Variants in ALCAM observed in about 807,000 individuals in gnomAD.
ALCAM encodes CD166 antigen.
A neutral mutation model predicts 70.9 loss-of-function variants in ALCAM; 30 were observed. That is an observed-to-expected ratio of 0.42 (90% CI 0.32 to 0.57). ALCAM has a LOEUF of 0.57. ALCAM is among the 20% of genes least tolerant of loss of function. The pLI is 0.11. For missense variants in ALCAM, 591 were observed against 695.1 expected, an observed-to-expected ratio of 0.85 and a Z score of 1.68; for synonymous variants, 249 against 242.5, an observed-to-expected ratio of 1.03 and a Z score of -0.25.
chr3:105,496,945 G>T (rs4541433), intron 1 of ALCAM, among the ~76,000 whole-genome samples: 61,252 of 151,372 alleles, frequency 0.4, 12,991 homozygotes, highest in Admixed American at 0.52. Flanking sequence ...CTCAAATATG[G>T]AAAGAATTAA....
intron 1 of ALCAM, among the ~76,000 whole-genome samples, chr3:105,406,866 G>A (rs776471403): frequency 1.2e-4 from 18 of 151,866 alleles, no homozygotes; most frequent in Non-Finnish European, 2.1e-4. Flanking sequence ...CAAATGAAAC[G>A]GGAGATATTG....
chr3:105,380,153 GTCT>G (rs530339337), intron 1 of ALCAM, among the ~76,000 whole-genome samples: 1 of 151,662 alleles, frequency 6.6e-6, no homozygotes, highest in Non-Finnish European at 1.5e-5. Flanking sequence ...CATGGAAATG[GTCT>G]TCTTCCTTTT....
At chr3:105,480,840 G>T (rs1168798094) in intron 1 of ALCAM, among the ~76,000 whole-genome samples, 5 of 152,114 alleles carry the variant, frequency 3.3e-5, no homozygotes, top group Admixed American at 2.0e-4. Flanking sequence ...AAGTACTATT[G>T]TTTGTTTTCC....
intron 1 of ALCAM, among the ~76,000 whole-genome samples, chr3:105,391,876 T>C (rs1253562715): frequency 1.3e-5 from 2 of 152,140 alleles, no homozygotes; most frequent in African/African-American, 4.8e-5. Context: ...ATGAATTACA[T>C]TGATTGTTTT....
chr3:105,441,258 A>G (rs1937163685), intron 1 of ALCAM, among the ~76,000 whole-genome samples: 1 of 151,392 alleles, frequency 6.6e-6, no homozygotes, highest in Non-Finnish European at 1.5e-5. Context: ...CAGGTAATTG[A>G]TTCAGTTTTT....
chr3:105,496,233 A>C (rs1218110075), intron 1 of ALCAM, among the ~76,000 whole-genome samples: 1 of 152,126 alleles, frequency 6.6e-6, no homozygotes, highest in Non-Finnish European at 1.5e-5. Context: ...TAGGCGAATA[A>C]TTTTATAGCC....
rs142808316 is a variant in ALCAM, at chr3:105,480,880, C to T, written c.74-39187C>T. ...CTTATAAAGTAATTCAGCAGAATTGCTTTCTAGGGGATTCTTTCCTTTGTT... is the reference window on the plus strand; with the variant it reads ...CTTATAAAGTAATTCAGCAGAATTGTTTTCTAGGGGATTCTTTCCTTTGTT... On this transcript the variant is annotated intron_variant, in intron 1 of 15. Coordinates refer to ENST00000306107, the MANE Select transcript of ALCAM (RefSeq NM_001627.4). Among the ~76,000 whole-genome samples the T allele has an allele frequency of 5.5e-4, 83 of 152,054 alleles. No homozygotes were observed. In the South Asian group the frequency reaches 8.9e-3, roughly 16 times the overall value.
intron 1 of ALCAM, among the ~76,000 whole-genome samples, chr3:105,511,636 GA>G (rs1939240552): frequency 1.3e-5 from 2 of 151,984 alleles, no homozygotes; most frequent in African/African-American, 4.8e-5. Context: ...CAAATATGTG[GA>G]AAAATCTATT....
intron 1 of ALCAM, among the ~76,000 whole-genome samples, chr3:105,517,378 G>A (rs1939411535): frequency 6.6e-6 from 1 of 152,028 alleles, no homozygotes; most frequent in Non-Finnish European, 1.5e-5. Flanking sequence ...TTTACCTACT[G>A]CCCTCTGTCT....
At chr3:105,382,267 A>G (rs1397187720) in intron 1 of ALCAM, among the ~76,000 whole-genome samples, 1 of 151,936 alleles carries the variant, frequency 6.6e-6, no homozygotes, top group Non-Finnish European at 1.5e-5. Flanking sequence ...AAGGACATGA[A>G]TTCATCATTT....
chr3:105,415,973 T>C (rs575902080), intron 1 of ALCAM, among the ~76,000 whole-genome samples: 10 of 152,102 alleles, frequency 6.6e-5, no homozygotes, highest in Non-Finnish European at 1.2e-4. Flanking sequence ...GGCAACCAGG[T>C]ATGACATGCG....
In ALCAM at chr3:105,527,769, T is replaced by G. The variant is rs142742348; in HGVS notation, c.394+3261T>G. On this transcript the variant is annotated intron_variant, in intron 3 of 15. Coordinates refer to ENST00000306107, the MANE Select transcript of ALCAM (RefSeq NM_001627.4). The stretch of plus-strand genomic sequence containing the variant: ...TCTTATGATGATGATAGGCCATGTT[T>G]AGTGGCTTCACACAGAGGTACTTCA... Among the ~76,000 whole-genome samples the G allele has an allele frequency of 3.9e-4, 59 of 152,186 alleles. 1 individual carries two copies. In the East Asian group the frequency reaches 0.011, roughly 29 times the overall value.
In ALCAM at chr3:105,545,277, C is replaced by A; in HGVS notation, c.1046C>A (p.Ala349Asp). 1 of 1,609,198 alleles carries A rather than the reference C, an allele frequency of 6.2e-7. No homozygotes were observed. The highest frequency in any genetic ancestry group is 1.1e-5 in the South Asian group (1 of 91,014). Residue 349 changes from alanine (A) to aspartate (D), a missense_variant, in exon 9 of 16, where the codon GCC (alanine) becomes GAC (aspartate). Physicochemically the swap from Ala to Asp is moderately radical, Grantham distance 126. Around this residue, in one of 2 missense-constraint regions of ALCAM, gnomAD observed 427 missense variants for 450.4 expected, o/e 0.95. Coordinates refer to ENST00000306107, the MANE Select transcript of ALCAM (RefSeq NM_001627.4). ...SGEVTRQIGD[A>D]LPVSCTISAS... ...GAAGTGACTAGACAGATTGGTGATGCCCTACCCGTGTCATGCACAATATCT... is the reference window on the plus strand; with the variant it reads ...GAAGTGACTAGACAGATTGGTGATGACCTACCCGTGTCATGCACAATATCT...
chr3:105,530,918 A>C (rs1011784387), intron 3 of ALCAM, among the ~76,000 whole-genome samples: 1 of 152,064 alleles, frequency 6.6e-6, no homozygotes, highest in Non-Finnish European at 1.5e-5. Flanking sequence ...CTAATAACTG[A>C]ATTCCAAATT....
intron 14 of ALCAM, among the ~76,000 whole-genome samples, chr3:105,570,376 A>C (rs1940835856): frequency 6.6e-6 from 1 of 152,184 alleles, no homozygotes; most frequent in African/African-American, 2.4e-5. Context: ...ATTTTAAAGG[A>C]TCAAATTGAC....
chr3:105,382,710 ATG>A (rs1474869081), intron 1 of ALCAM, among the ~76,000 whole-genome samples: 1 of 151,828 alleles, frequency 6.6e-6, no homozygotes, highest in Non-Finnish European at 1.5e-5. Context: ...GCATTTTTTC[ATG>A]TGTCTCTTGC....
intron 1 of ALCAM, among the ~76,000 whole-genome samples, chr3:105,445,592 A>G (rs1210998513): frequency 6.6e-5 from 10 of 152,184 alleles, no homozygotes; most frequent in Non-Finnish European, 1.2e-4. Context: ...CTACAAAGCT[A>G]ATAGTAACTA....
intron 1 of ALCAM, among the ~76,000 whole-genome samples, chr3:105,475,133 T>C (rs866421110): frequency 6.6e-6 from 1 of 152,020 alleles, no homozygotes; most frequent in South Asian, 2.1e-4. Context: ...AACCTGCTTT[T>C]CTCCTTGAAG....
At chr3:105,369,820 TG>T (rs1479472764) in intron 1 of ALCAM, among the ~76,000 whole-genome samples, 1 of 152,026 alleles carries the variant, frequency 6.6e-6, no homozygotes. Flanking sequence ...ATTTTAGGCG[TG>T]CCACGTTACC....
Sources: allele counts gnomAD v4.1 joint callset (sites outside exome capture counted in the v4.1 genomes callset), GRCh38; gene constraint gnomAD v4.1.1; regional missense constraint gnomAD v4.1.1; transcripts MANE v1.5; gene names NCBI Gene and HGNC (gene_info 2026-07-23, HGNC 2026-07-21).